GREB1L: variants seen among roughly 807,000 people sequenced by gnomAD.
GREB1L encodes the protein GREB1-like protein.
GREB1L carries 17 observed loss-of-function variants against 200.8 expected under a neutral mutation model. The ratio of observed to expected loss-of-function variants is 0.08; its 90% CI spans 0.06 to 0.13. The LOEUF (loss-of-function observed/expected upper bound fraction) is 0.13. GREB1L is among the 10% of genes least tolerant of loss of function. The probability of loss-of-function intolerance (pLI) is 1.00; values close to 1 mark genes in which losing one functional copy is unlikely to be tolerated. For missense variants in GREB1L, 1,657 were observed against 2,367.7 expected (o/e 0.70, Z 6.23); for synonymous variants, 789 against 893.0 (o/e 0.88, Z 2.08).
chr18:21,381,568 G>A (rs1009964477), intron 2 of GREB1L, among the ~76,000 whole-genome samples: 1 of 152,150 alleles, frequency 6.6e-6, no homozygotes, highest in African/African-American at 2.4e-5. Flanking sequence ...AAAAATAATT[G>A]TATTTTCCAA....
In GREB1L at chr18:21,288,675, T is replaced by C. The variant is rs545805729; in HGVS notation, c.-120+46282T>C. Among the ~76,000 whole-genome samples, 108 of 152,292 alleles carry C rather than the reference T, an allele frequency of 7.1e-4. No homozygotes were observed. The Middle Eastern group carries it at 0.01, about 14-fold the overall frequency. ...AATTCTGGGGGTATGTGGGAAGTTA[T>C]GCTGTTTACAAAAAGCAGGGAATTG... On this transcript the variant is annotated intron_variant, in intron 1 of 32. Transcript: ENST00000424526.
intron 1 of GREB1L, chr18:21,317,921 C>T (rs1317499882): frequency 6.6e-6 from 1 of 152,218 alleles, no homozygotes; most frequent in Non-Finnish European, 1.5e-5. Context: ...GTCTGGCCAA[C>T]ATGGTGAAAC....
Position 21,525,385 on chromosome 18 carries a change from G to A in GREB1L, c.*2564G>A, listed in dbSNP as rs928970360. 6.6e-5 allele frequency: 10 copies of A among 151,962 alleles called. No individual in the cohort carries two copies. The highest frequency in any genetic ancestry group is 2.4e-4 in the African/African-American group (10 of 41,378). 9.4% of individuals were successfully genotyped at this position (151,962 alleles called of 1,614,324 possible). ...ATATTTTTGTCCTTTGATTTAATTT[G>A]CTTAATGTATTAAAGTTATCTCCCA... On this transcript the variant is annotated 3_prime_UTR_variant, in exon 33 of 33. Transcript: ENST00000424526.
chr18:21,309,639 T>C lies in GREB1L; in HGVS notation c.-119-56388T>C, dbSNP rs545180378. ...AAAAGTAAAAGTCATAATCAGCCTTTTACCCTCTGGCCTTTTTCCCTTACT... is the reference window on the plus strand; with the variant it reads ...AAAAGTAAAAGTCATAATCAGCCTTCTACCCTCTGGCCTTTTTCCCTTACT... On this transcript the variant is annotated intron_variant, in intron 1 of 32. Coordinates refer to ENST00000424526, the MANE Select transcript of GREB1L (RefSeq NM_001142966.3). Among the ~76,000 whole-genome samples, 8 of 152,282 alleles carry C rather than the reference T, an allele frequency of 5.3e-5. No homozygotes were observed. The South Asian group carries it at 1.7e-3, about 32-fold the overall frequency.
At chr18:21,439,078 T>A (rs1485451730) in intron 7 of GREB1L, among the ~76,000 whole-genome samples, 5 of 152,060 alleles carry the variant, frequency 3.3e-5, no homozygotes, top group South Asian at 2.1e-4. Flanking sequence ...CATGTGTGTA[T>A]GTGGAGGGGA....
At chr18:21,296,854 C>T (rs1301297127) in intron 1 of GREB1L, among the ~76,000 whole-genome samples, 5 of 152,042 alleles carry the variant, frequency 3.3e-5, no homozygotes, top group African/African-American at 7.2e-5. Flanking sequence ...GGGGTTTCAC[C>T]GTATTGGCTA....
At position 21,463,062 on chromosome 18, in the gene GREB1L, T is replaced by C. The variant is rs1348744328; in HGVS notation, c.2182+8499T>C. ...GAATTAGAATGTTTGTTACTGGGAG[T>C]ATTACTGATAATCTTAAAACTATTT... On this transcript the variant is annotated intron_variant, in intron 15 of 32. Transcript: ENST00000424526. Among the ~76,000 whole-genome samples the C allele has an allele frequency of 2.0e-5, 3 of 151,574 alleles. No homozygotes were observed. The East Asian group carries it at 5.8e-4, about 29-fold the overall frequency.
At chr18:21,344,027 A>AGT (rs1291502225) in intron 1 of GREB1L, among the ~76,000 whole-genome samples, 7 of 152,164 alleles carry the variant, frequency 4.6e-5, no homozygotes, top group South Asian at 4.1e-4. Context: ...CACCTGCCTT[A>AGT]GTCCCCCAAA....
In GREB1L at chr18:21,353,708, G is replaced by A. The variant is rs865850668; in HGVS notation, c.-119-12319G>A. On this transcript the variant is annotated intron_variant, in intron 1 of 32. Coordinates refer to ENST00000424526, the MANE Select transcript of GREB1L (RefSeq NM_001142966.3). ...TTTTTATATGGTTTGATATGAATGG[G>A]CATGTAAATGCATTTATGTATAGAC... 2.0e-5 allele frequency among the ~76,000 whole-genome samples: 3 copies of A among 152,044 alleles called. No individual in the cohort carries two copies. In the South Asian group the frequency reaches 6.3e-4, roughly 32 times the overall value.
At chr18:21,455,343 C>CAT (rs71178175) in intron 15 of GREB1L, among the ~76,000 whole-genome samples, 4 of 151,908 alleles carry the variant, frequency 2.6e-5, no homozygotes, top group Non-Finnish European at 5.9e-5. Flanking sequence ...CACACACACA[C>CAT]GCAGATTTTA....
rs550486259 is a variant in GREB1L at position 21,398,898 on chromosome 18, GACA to G, written c.533-2247_533-2245del. Among the ~76,000 whole-genome samples the G allele has an allele frequency of 6.9e-3, 1,051 of 152,218 alleles. 8 individuals are homozygous for G. The Middle Eastern group carries it at 0.072, about 10-fold the overall frequency. ...AGTGGTGTTATTTTTTGTTTTCAAT[GACA>G]ACAAGAACTTCAAGCAGATAAAATC... On this transcript the variant is annotated intron_variant, in intron 5 of 32. Transcript: ENST00000424526.
At chr18:21,496,412 T>C (rs1423196652) in intron 20 of GREB1L, 42 bp from the exon 21 acceptor site, 17 of 1,549,008 alleles carry the variant, frequency 1.1e-5, no homozygotes. Context: ...ACTGCGTGCC[T>C]GGCCAGATAG....
Position 21,485,744 on chromosome 18 carries a change from T to G in GREB1L, c.2681T>G (p.Leu894Arg). 6.4e-7 allele frequency: 1 copy of G among 1,551,510 alleles called. No individual in the cohort carries two copies. The highest frequency in any genetic ancestry group is 8.7e-7 in the Non-Finnish European group (1 of 1,146,914). ...ACTTTTGAAAAAATGGTGAACACAC[T>G]CTTGGAGAGGTAAATAGTAAATAAG... Reference protein sequence around the residue: ...DETFEKMVNTLLERYPRLHSM... With the variant: ...DETFEKMVNTRLERYPRLHSM... The change falls in exon 18 of 33, where the codon CTC becomes CGC. Residue 894 changes from leucine (L) to arginine (R), a missense_variant. By Grantham distance (102) the Leu-to-Arg change is moderately radical. Coordinates refer to ENST00000424526, the MANE Select transcript of GREB1L (RefSeq NM_001142966.3).
At chr18:21,314,697 A>C (rs2038841629) in intron 1 of GREB1L, among the ~76,000 whole-genome samples, 1 of 152,246 alleles carries the variant, frequency 6.6e-6, no homozygotes, top group Non-Finnish European at 1.5e-5. Context: ...AGGCTTTGTA[A>C]GCCAATCATC....
At chr18:21,515,281 C>T (rs911191107) in intron 28 of GREB1L, 136 bp from the exon 29 acceptor site, 19 of 665,408 alleles carry the variant, frequency 2.9e-5, no homozygotes, top group Non-Finnish European at 3.8e-5. Flanking sequence ...CATTCTTCTC[C>T]ATTTGCTAAT....
In GREB1L at chr18:21,449,351, G is replaced by A. The variant is rs548228873; in HGVS notation, c.1394-159G>A. Among the ~76,000 whole-genome samples the A allele has an allele frequency of 3.9e-5, 6 of 152,266 alleles. No individual in the cohort carries two copies. The South Asian group carries it at 1.0e-3, about 26-fold the overall frequency. The stretch of plus-strand genomic sequence containing the variant: ...AATAATTTCCAACAGGGAATGATTA[G>A]TAGGGACTCTATACTTGTGACCACT... On this transcript the variant is annotated intron_variant, in intron 11 of 32. Coordinates refer to ENST00000424526, the MANE Select transcript of GREB1L (RefSeq NM_001142966.3).
chr18:21,388,185 T>G (rs1436010601), intron 4 of GREB1L, among the ~76,000 whole-genome samples: 1 of 152,208 alleles, frequency 6.6e-6, no homozygotes, highest in African/African-American at 2.4e-5. Flanking sequence ...TCCTATTCTC[T>G]TCTTAATTAA....
At chr18:21,360,161 T>A (rs1449805608) in intron 1 of GREB1L, among the ~76,000 whole-genome samples, 1 of 152,216 alleles carries the variant, frequency 6.6e-6, no homozygotes, top group African/African-American at 2.4e-5. Flanking sequence ...AGTCATATAT[T>A]TATTTTTCTT....
At chr18:21,391,166 A>G (rs2040787294) in intron 4 of GREB1L, among the ~76,000 whole-genome samples, 2 of 152,232 alleles carry the variant, frequency 1.3e-5, no homozygotes, top group South Asian at 4.1e-4. Flanking sequence ...ACCCAGAGCA[A>G]CTTCCAGTCC....
Sources: gnomAD v4.1 joint callset for allele counts (sites outside exome capture counted in the v4.1 genomes callset) on GRCh38, gnomAD v4.1.1 for gene constraint, MANE v1.5 for transcripts, NCBI Gene and HGNC (gene_info 2026-07-23, HGNC 2026-07-21) for gene names.